Variants in UNC5D observed in about 807,000 individuals in gnomAD.
UNC5D encodes the protein netrin receptor UNC5D.
A neutral mutation model predicts 105.4 loss-of-function variants in UNC5D; 39 were observed. The observed-to-expected ratio is 0.37, with a 90% CI of 0.29 to 0.48. The LOEUF is 0.48. Ranked by LOEUF, UNC5D falls within the 20% of genes least tolerant of loss-of-function variation. The pLI is 0.98. For synonymous variants in UNC5D, 452 were observed against 450.4 expected, an observed-to-expected ratio of 1.00 and a Z score of -0.04; for missense variants, 991 against 1,202.4, an observed-to-expected ratio of 0.82 and a Z score of 2.60.
intron 1 of UNC5D, among the ~76,000 whole-genome samples, chr8:35,305,581 C>CTTTCTTTCTTTCTT (rs1808291183): frequency 1.1e-5 from 1 of 93,540 alleles, no homozygotes; most frequent in Admixed American, 1.1e-4. Context: ...CTTTCTTTTT[C>CTTTCTTTCTTTCTT]TTTCTTTCTT....
At chr8:35,304,354 C>A (rs1252701781) in intron 1 of UNC5D, among the ~76,000 whole-genome samples, 1 of 151,822 alleles carries the variant, frequency 6.6e-6, no homozygotes, top group Admixed American at 6.6e-5. Context: ...AAGAAGAAAA[C>A]CCGTTTCTTG....
At chr8:35,504,512 G>A (rs977310487) in intron 1 of UNC5D, among the ~76,000 whole-genome samples, 16 of 152,114 alleles carry the variant, frequency 1.1e-4, no homozygotes, top group African/African-American at 3.9e-4. Context: ...TGTAATGTGA[G>A]GAATGCATTG....
At chr8:35,478,171 C>T (rs1250130677) in intron 1 of UNC5D, among the ~76,000 whole-genome samples, 1 of 152,066 alleles carries the variant, frequency 6.6e-6, no homozygotes, top group Admixed American at 6.6e-5. Context: ...GATTAATCAA[C>T]ACAGATGGGT....
At chr8:35,387,378 G>T (rs1480089232) in intron 1 of UNC5D, among the ~76,000 whole-genome samples, 1 of 96,536 alleles carries the variant, frequency 1.0e-5, no homozygotes, top group Non-Finnish European at 2.1e-5. Context: ...AAAAAAAAGA[G>T]AAACGCAGAT....
intron 1 of UNC5D, among the ~76,000 whole-genome samples, chr8:35,448,070 C>T (rs1268839649): frequency 6.6e-6 from 1 of 152,036 alleles, no homozygotes; most frequent in African/African-American, 2.4e-5. Context: ...TTTCTAGCTG[C>T]AGCAGCAACA....
At chr8:35,272,661 G>T (rs547822505) in intron 1 of UNC5D, among the ~76,000 whole-genome samples, 2 of 152,154 alleles carry the variant, frequency 1.3e-5, no homozygotes, top group Non-Finnish European at 2.9e-5. Context: ...ACCAGCTGCC[G>T]CAGTGCTCCT....
intron 8 of UNC5D, among the ~76,000 whole-genome samples, chr8:35,710,939 T>TCTG (rs1409249058): frequency 0.039 from 5,120 of 131,196 alleles, 379 homozygotes; most frequent in African/African-American, 0.12. Context: ...TTATTCTTTT[T>TCTG]TTTTTTTTTT....
At chr8:35,608,072 C>T (rs532994625) in intron 4 of UNC5D, among the ~76,000 whole-genome samples, 9 of 152,268 alleles carry the variant, frequency 5.9e-5, no homozygotes, top group African/African-American at 2.2e-4. Context: ...TGCAAAGACC[C>T]AATTACCAAA....
intron 1 of UNC5D, among the ~76,000 whole-genome samples, chr8:35,329,075 G>A (rs1298899431): frequency 1.3e-5 from 2 of 152,056 alleles, no homozygotes; most frequent in African/African-American, 4.8e-5. Flanking sequence ...TTAAAACAAT[G>A]TTTTTAGCCA....
intron 1 of UNC5D, among the ~76,000 whole-genome samples, chr8:35,519,080 C>T (rs964194248): frequency 6.6e-6 from 1 of 152,102 alleles, no homozygotes; most frequent in Non-Finnish European, 1.5e-5. Flanking sequence ...TAATCCCATA[C>T]GATGATTTAA....
rs749958939 is a variant in UNC5D, at chr8:35,759,457, C to T, written c.2301C>T (p.Phe767=). The T allele has an allele frequency of 6.2e-7, 1 of 1,613,370 alleles. No homozygotes were observed. The highest frequency in any genetic ancestry group is 1.1e-5 in the South Asian group (1 of 90,876). The part of the protein sequence containing the change: ...IPPFLWRIKP[F]TACQEVPFSR... ...CATTCCTCTGGAGAATTAAACCATT[C>T]ACTGCCTGCCAGGTACTGGCCAAAT... Residue 767 remains phenylalanine (F), a synonymous_variant, in exon 14 of 17, where the codon TTC becomes TTT. Coordinates refer to ENST00000404895, the MANE Select transcript of UNC5D (RefSeq NM_080872.4).
intron 13 of UNC5D, among the ~76,000 whole-genome samples, chr8:35,753,840 G>A (rs560271978): frequency 6.6e-6 from 1 of 152,292 alleles, no homozygotes; most frequent in South Asian, 2.1e-4. Flanking sequence ...TGAAACTTGT[G>A]GCTTTTCTGA....
At chr8:35,686,313 A>G (rs1037287084) in intron 6 of UNC5D, among the ~76,000 whole-genome samples, 1 of 152,146 alleles carries the variant, frequency 6.6e-6, no homozygotes, top group Non-Finnish European at 1.5e-5. Flanking sequence ...GCTTGCCTCA[A>G]TTTGGTAATT....
At chr8:35,252,830 A>G (rs974876661) in intron 1 of UNC5D, among the ~76,000 whole-genome samples, 1 of 152,108 alleles carries the variant, frequency 6.6e-6, no homozygotes, top group African/African-American at 2.4e-5. Context: ...GATACTGCCA[A>G]TTATTTCAGC....
intron 7 of UNC5D, among the ~76,000 whole-genome samples, chr8:35,705,618 G>T (rs889360594): frequency 1.7e-4 from 26 of 152,038 alleles, no homozygotes; most frequent in African/African-American, 6.3e-4. Flanking sequence ...AGAGTGACAG[G>T]CTGAAAGCTC....
intron 4 of UNC5D, among the ~76,000 whole-genome samples, chr8:35,644,062 A>G (rs906431813): frequency 6.6e-6 from 1 of 152,156 alleles, no homozygotes; most frequent in African/African-American, 2.4e-5. Context: ...CCACAGTTTC[A>G]CTATGCACAT....
At chr8:35,236,829 C>G (rs189167953) in intron 1 of UNC5D, among the ~76,000 whole-genome samples, 1 of 152,310 alleles carries the variant, frequency 6.6e-6, no homozygotes, top group African/African-American at 2.4e-5. Flanking sequence ...GCTTTGCCTT[C>G]CCGCCCTTCT....
intron 1 of UNC5D, among the ~76,000 whole-genome samples, chr8:35,428,522 C>T (rs562104389): frequency 2.8e-4 from 43 of 151,830 alleles, no homozygotes; most frequent in Admixed American, 1.9e-3. Context: ...GGATTGTGCT[C>T]CTCCTTGGCT....
At chr8:35,687,472 G>T (rs1375416895) in intron 7 of UNC5D, among the ~76,000 whole-genome samples, 1 of 151,746 alleles carries the variant, frequency 6.6e-6, no homozygotes, top group East Asian at 1.9e-4. Flanking sequence ...AAGTTATGGG[G>T]AAAGGAGAGT....
Sources: allele counts gnomAD v4.1 joint callset (sites outside exome capture counted in the v4.1 genomes callset), GRCh38; gene constraint gnomAD v4.1.1; transcripts MANE v1.5; gene names NCBI Gene and HGNC (gene_info 2026-07-23, HGNC 2026-07-21).